PSD2: variants seen among roughly 807,000 people sequenced by gnomAD.
PSD2 encodes PH and SEC7 domain-containing protein 2.
PSD2 carries 38 observed loss-of-function variants against 69.8 expected under a neutral mutation model. The ratio of observed to expected loss-of-function variants is 0.54; its 90% CI spans 0.42 to 0.71. The LOEUF (loss-of-function observed/expected upper bound fraction) is 0.71. PSD2 is among the 30% of genes least tolerant of loss of function. PSD2 has a pLI of 0.00. For missense variants in PSD2, 943 were observed against 1,014.5 expected, an observed-to-expected ratio of 0.93 and a Z score of 0.96; for synonymous variants, 412 against 423.0, an observed-to-expected ratio of 0.97 and a Z score of 0.32.
In PSD2 at chr5:139,836,805, C is replaced by A. The variant is rs746896130; in HGVS notation, c.1404-6C>A. 1 of 1,613,304 alleles carries A rather than the reference C, an allele frequency of 6.2e-7. No individual in the cohort carries two copies. The highest frequency in any genetic ancestry group is 8.5e-7 in the Non-Finnish European group (1 of 1,179,454). On this transcript the variant is annotated splice_polypyrimidine_tract_variant and splice_region_variant and intron_variant, in intron 9 of 14. Coordinates refer to ENST00000274710, the MANE Select transcript of PSD2 (RefSeq NM_032289.4). ...GAGGTGGTGCTCAGGCCTAGTACTT[C>A]CCTAGTGATGAGGATGAGCTGAGGA...
the PSD2 span, among the ~76,000 whole-genome samples, chr5:139,749,052 G>A: frequency 2.6e-5 from 4 of 152,044 alleles, no homozygotes; most frequent in Non-Finnish European, 5.9e-5. Context: ...CTCCCCCTTC[G>A]TCTCCCCAGG....
At chr5:139,780,516 T>C in the PSD2 span, among the ~76,000 whole-genome samples, 5 of 152,190 alleles carry the variant, frequency 3.3e-5, no homozygotes, top group African/African-American at 7.2e-5. Context: ...TGATCTTGGC[T>C]CACTGCAACC....
At chr5:139,783,943 C>CT in the PSD2 span, among the ~76,000 whole-genome samples, 37,156 of 87,720 alleles carry the variant, frequency 0.42, 10,164 homozygotes, top group East Asian at 0.66. Flanking sequence ...TCTGCTAGCT[C>CT]TTTTTTTTTT....
chr5:139,801,043 A>G (rs1220830024), intron 1 of PSD2, among the ~76,000 whole-genome samples: 1 of 152,038 alleles, frequency 6.6e-6, no homozygotes, highest in East Asian at 1.9e-4. Context: ...CGTCTCTACT[A>G]AAAATACAAA....
intron 5 of PSD2, among the ~76,000 whole-genome samples, chr5:139,819,456 C>G (rs76905468): frequency 6.6e-6 from 1 of 152,294 alleles, no homozygotes; most frequent in African/African-American, 2.4e-5. Context: ...AGCCTCCTGC[C>G]TTTTACATCT....
chr5:139,792,858 CT>C (rs779756749), upstream of PSD2, among the ~76,000 whole-genome samples: 9 of 93,828 alleles, frequency 9.6e-5, no homozygotes, highest in African/African-American at 3.4e-4. Context: ...TTCTTTCTGT[CT>C]TTCCTTCCTT....
At chr5:139,782,322 T>G in the PSD2 span, among the ~76,000 whole-genome samples, 1 of 151,960 alleles carries the variant, frequency 6.6e-6, no homozygotes, top group Non-Finnish European at 1.5e-5. Flanking sequence ...TAGCTGGAAT[T>G]ACAGGTGCCC....
the PSD2 span, among the ~76,000 whole-genome samples, chr5:139,753,260 G>A: frequency 6.6e-6 from 1 of 152,174 alleles, no homozygotes; most frequent in African/African-American, 2.4e-5. Context: ...AGTGAGCTGG[G>A]GCTGCAGGAT....
chr5:139,751,643 G>A, the PSD2 span, among the ~76,000 whole-genome samples: 1 of 152,316 alleles, frequency 6.6e-6, no homozygotes, highest in East Asian at 1.9e-4. Context: ...AATAGTGCGT[G>A]TTTCACAGTG....
At chr5:139,836,070 G>T (rs551940209) in intron 9 of PSD2, among the ~76,000 whole-genome samples, 1 of 152,212 alleles carries the variant, frequency 6.6e-6, no homozygotes, top group Admixed American at 6.5e-5. Flanking sequence ...ATTGATGACC[G>T]CTCCTTTCCC....
At chr5:139,763,594 A>G in the PSD2 span, among the ~76,000 whole-genome samples, 1 of 152,092 alleles carries the variant, frequency 6.6e-6, no homozygotes, top group African/African-American at 2.4e-5. Context: ...CCTCACCCCC[A>G]GGGTTGCCAG....
chr5:139,824,405 T>TTG (rs1760359319), intron 7 of PSD2, among the ~76,000 whole-genome samples: 2 of 148,302 alleles, frequency 1.3e-5, no homozygotes, highest in South Asian at 4.4e-4. Context: ...TTTTTTTTTT[T>TTG]TTTTTTTTTG....
the PSD2 span, among the ~76,000 whole-genome samples, chr5:139,762,335 G>A: frequency 2.0e-5 from 3 of 148,062 alleles, no homozygotes; most frequent in Non-Finnish European, 3.0e-5. Context: ...GAACCACCAC[G>A]CCCAGTCCTT....
intron 8 of PSD2, 112 bp downstream of exon 8, chr5:139,833,903 A>G: frequency 1.2e-6 from 1 of 810,744 alleles, no homozygotes; most frequent in South Asian, 1.4e-5. Context: ...CACAGGGTGC[A>G]GGGCCATGAT....
At chr5:139,830,010 GAAA>G (rs537099756) in intron 7 of PSD2, among the ~76,000 whole-genome samples, 2 of 111,292 alleles carry the variant, frequency 1.8e-5, no homozygotes, top group African/African-American at 3.1e-5. Flanking sequence ...CTTTTTTTTT[GAAA>G]AAAAAAAAAA....
intron 1 of PSD2, among the ~76,000 whole-genome samples, chr5:139,799,632 C>G (rs1394132512): frequency 6.6e-6 from 1 of 152,080 alleles, no homozygotes; most frequent in African/African-American, 2.4e-5. Context: ...CTGACTGGGC[C>G]AGCACATGGG....
intron 1 of PSD2, among the ~76,000 whole-genome samples, chr5:139,808,234 C>T (rs915400152): frequency 5.3e-5 from 8 of 152,176 alleles, no homozygotes; most frequent in Admixed American, 1.3e-4. Context: ...AGGCCACTTG[C>T]GGAGGGGGTT....
Position 139,844,061 on chromosome 5 carries a change from CA to C in PSD2, c.*1590del, listed in dbSNP as rs1365216705. ...GATCAGCTGAAGTGTGTTTTAGACC[CA>C]AACCATCTGGCCCCTTCGTTTTGCT... On this transcript the variant is annotated 3_prime_UTR_variant, in exon 15 of 15. Coordinates refer to ENST00000274710, the MANE Select transcript of PSD2 (RefSeq NM_032289.4). 10 of 152,346 alleles carry C rather than the reference CA, an allele frequency of 6.6e-5. No individual in the cohort carries two copies. The East Asian group carries it at 1.9e-3, about 29-fold the overall frequency. 9.4% of individuals were successfully genotyped at this position (152,346 alleles called of 1,614,324 possible).
At chr5:139,748,755 G>GCGTCTAGGCAAT in the PSD2 span, among the ~76,000 whole-genome samples, 1 of 152,378 alleles carries the variant, frequency 6.6e-6, no homozygotes, top group East Asian at 1.9e-4. Context: ...CGTCTGTCTC[G>GCGTCTAGGCAAT]GCTCCGCGGC....
Sources: gnomAD v4.1 joint callset for allele counts (sites outside exome capture counted in the v4.1 genomes callset) on GRCh38, gnomAD v4.1.1 for gene constraint, MANE v1.5 for transcripts, NCBI Gene and HGNC (gene_info 2026-07-23, HGNC 2026-07-21) for gene names.